INPP4B: variants seen among roughly 807,000 people sequenced by gnomAD.
The protein encoded by INPP4B is inositol polyphosphate 4-phosphatase type II.
Under a neutral mutation model 122.5 loss-of-function variants are expected in INPP4B, and 55 were observed. The observed-to-expected ratio is 0.45, with a 90% confidence interval of 0.36 to 0.56. The LOEUF (loss-of-function observed/expected upper bound fraction) is 0.56, where lower values mean the gene tolerates loss of function less well. INPP4B is among the 20% of genes least tolerant of loss of function. The probability of loss-of-function intolerance (pLI) is 0.00; values close to 1 mark genes in which losing one functional copy is unlikely to be tolerated. For missense variants in INPP4B, 1,000 were observed against 1,097.7 expected (o/e 0.91, Z 1.26); for synonymous variants, 403 against 388.7 (o/e 1.04, Z -0.43).
intron 5 of INPP4B, among the ~76,000 whole-genome samples, chr4:142,419,708 T>A (rs184077146): frequency 1.9e-3 from 286 of 152,234 alleles, no homozygotes; most frequent in African/African-American, 6.7e-3. Context: ...GTAAGAGAAC[T>A]TATCTTTAAT....
intron 2 of INPP4B, 36 bp downstream of exon 2, chr4:142,725,803 C>T: frequency 2.5e-6 from 1 of 397,572 alleles, no homozygotes; most frequent in Non-Finnish European, 4.4e-6. Context: ...TAGAGTTATA[C>T]AGAATGAAAA....
chr4:142,542,694 T>C (rs1829080457), intron 2 of INPP4B, among the ~76,000 whole-genome samples: 2 of 152,196 alleles, frequency 1.3e-5, no homozygotes, highest in Non-Finnish European at 2.9e-5. Flanking sequence ...TTGACACTTG[T>C]TTTTTTCAAT....
At chr4:142,793,139 G>A (rs899508373) in intron 1 of INPP4B, among the ~76,000 whole-genome samples, 1 of 152,038 alleles carries the variant, frequency 6.6e-6, no homozygotes, top group Non-Finnish European at 1.5e-5. Context: ...TAATCCCCAA[G>A]ATAAAAACAT....
chr4:142,314,380 G>T (rs1015273771), intron 8 of INPP4B, among the ~76,000 whole-genome samples: 1 of 152,060 alleles, frequency 6.6e-6, no homozygotes, highest in African/African-American at 2.4e-5. Context: ...TTCCTGAAGC[G>T]GTAGAGATCA....
intron 2 of INPP4B, among the ~76,000 whole-genome samples, chr4:142,673,468 CA>C: frequency 6.6e-6 from 1 of 151,394 alleles, no homozygotes; most frequent in Admixed American, 6.6e-5. Context: ...CTAATTGCCA[CA>C]AGGAGGTTGG....
chr4:142,419,878 G>C (rs1023898250), intron 5 of INPP4B, among the ~76,000 whole-genome samples: 1 of 151,970 alleles, frequency 6.6e-6, no homozygotes, highest in Non-Finnish European at 1.5e-5. Flanking sequence ...CCCAACCCTG[G>C]TGGCTTTTGA....
intron 3 of INPP4B, among the ~76,000 whole-genome samples, chr4:142,457,001 C>T (rs929577523): frequency 6.6e-6 from 1 of 151,948 alleles, no homozygotes; most frequent in African/African-American, 2.4e-5. Flanking sequence ...TACATGCATA[C>T]ATAATCAATT....
At chr4:142,562,300 T>G (rs1028713066) in intron 2 of INPP4B, among the ~76,000 whole-genome samples, 1 of 151,892 alleles carries the variant, frequency 6.6e-6, no homozygotes, top group African/African-American at 2.4e-5. Flanking sequence ...ACTGAATGAT[T>G]GTTATAAGCC....
chr4:142,352,213 C>T (rs1251254270), intron 7 of INPP4B, among the ~76,000 whole-genome samples: 2 of 151,908 alleles, frequency 1.3e-5, no homozygotes, highest in South Asian at 4.1e-4. Context: ...TATAGTACAA[C>T]GAAGGCCCTG....
At chr4:142,287,787 G>T (rs529563531) in intron 9 of INPP4B, among the ~76,000 whole-genome samples, 1 of 152,246 alleles carries the variant, frequency 6.6e-6, no homozygotes, top group African/African-American at 2.4e-5. Context: ...AGAATATAAT[G>T]CATCTTTATT....
At chr4:142,529,666 AC>A in intron 2 of INPP4B, among the ~76,000 whole-genome samples, 1 of 152,170 alleles carries the variant, frequency 6.6e-6, no homozygotes, top group African/African-American at 2.4e-5. Context: ...GGGGTCTTCA[AC>A]AAATATTAAG....
chr4:142,682,194 AG>A (rs1206716000), intron 2 of INPP4B, among the ~76,000 whole-genome samples: 3 of 151,870 alleles, frequency 2.0e-5, no homozygotes, highest in Admixed American at 1.3e-4. Flanking sequence ...CAATTTCTCT[AG>A]GTTTATTTGA....
intron 2 of INPP4B, among the ~76,000 whole-genome samples, chr4:142,614,981 G>A (rs1424531199): frequency 6.6e-6 from 1 of 152,084 alleles, no homozygotes; most frequent in African/African-American, 2.4e-5. Context: ...AAGACAGTAT[G>A]GAGATTTCTA....
At chr4:142,532,965 A>G (rs983952578) in intron 2 of INPP4B, among the ~76,000 whole-genome samples, 1 of 152,182 alleles carries the variant, frequency 6.6e-6, no homozygotes, top group Non-Finnish European at 1.5e-5. Flanking sequence ...CAAGAATTAG[A>G]GTTTTTAAAT....
chr4:142,691,064 G>A (rs1449188726), intron 2 of INPP4B, among the ~76,000 whole-genome samples: 2 of 152,138 alleles, frequency 1.3e-5, no homozygotes, highest in Non-Finnish European at 2.9e-5. Flanking sequence ...CTAAGAACTC[G>A]GTGGGAACCA....
chr4:142,034,362 C>T (rs1300509967), intron 25 of INPP4B, among the ~76,000 whole-genome samples: 1 of 152,092 alleles, frequency 6.6e-6, no homozygotes, highest in African/African-American at 2.4e-5. Flanking sequence ...AGGACAGTCC[C>T]TGCCACAATC....
At chr4:142,335,547 T>C (rs1776297142) in intron 7 of INPP4B, among the ~76,000 whole-genome samples, 1 of 152,214 alleles carries the variant, frequency 6.6e-6, no homozygotes, top group Admixed American at 6.5e-5. Context: ...GCAAGTCTAA[T>C]GGATATTTAC....
chr4:142,492,439 G>C (rs1267801756), intron 2 of INPP4B, among the ~76,000 whole-genome samples: 1 of 152,154 alleles, frequency 6.6e-6, no homozygotes, highest in African/African-American at 2.4e-5. Context: ...AGACTTGGAG[G>C]GTTCAGAAGA....
At chr4:142,658,405 C>A (rs78112530) in intron 2 of INPP4B, among the ~76,000 whole-genome samples, 7 of 151,818 alleles carry the variant, frequency 4.6e-5, no homozygotes, top group South Asian at 2.1e-4. Context: ...ACTAAAGCAA[C>A]CTTTTTGACT....
Sources: allele counts gnomAD v4.1 joint callset (sites outside exome capture counted in the v4.1 genomes callset), GRCh38; gene constraint gnomAD v4.1.1; transcripts MANE v1.5; gene names NCBI Gene and HGNC (gene_info 2026-07-23, HGNC 2026-07-21).